SLC3A2: variants seen among roughly 807,000 people sequenced by gnomAD.
The protein encoded by SLC3A2 is solute carrier family 3 member 2, also known as amino acid transporter heavy chain SLC3A2.
Under a neutral mutation model 48.5 loss-of-function variants are expected in SLC3A2, and 32 were observed. That is an observed-to-expected ratio of 0.66 (90% CI 0.50 to 0.89). The LOEUF (loss-of-function observed/expected upper bound fraction) is 0.89. Among genes scored for constraint, SLC3A2 ranks in the 40% least tolerant of loss-of-function variants. SLC3A2 has a pLI of 0.00. For missense variants in SLC3A2, 587 were observed against 680.7 expected, an observed-to-expected ratio of 0.86 and a Z score of 1.53; for synonymous variants, 277 against 288.8, an observed-to-expected ratio of 0.96 and a Z score of 0.41.
Position 62,882,999 on chromosome 11 carries a change from G to A in SLC3A2, c.690G>A (p.Lys230=). The change falls in exon 3 of 9, where the codon AAG becomes AAA. Residue 230 remains lysine, a splice_region_variant and synonymous_variant. Transcript: ENST00000338663. ...TTGACACTGTGGCCACCAAGGTGAA[G>A]GTGAGTGTTGGAGCTGATGGCTGGT... is the stretch of plus-strand genomic sequence containing the variant. ...TQVDTVATKV[K]DALEFWLQAG... is the part of the protein sequence containing the mutation. The A allele has an allele frequency of 6.2e-7, 1 of 1,613,988 alleles. No homozygotes were observed. The highest frequency in any genetic ancestry group is 1.1e-5 in the South Asian group (1 of 91,088).
intron 1 of SLC3A2, among the ~76,000 whole-genome samples, chr11:62,863,435 G>A (rs1200604634): frequency 6.6e-6 from 1 of 152,064 alleles, no homozygotes; most frequent in Non-Finnish European, 1.5e-5. Flanking sequence ...GTGCCTAGGC[G>A]GGTCTCCAAC....
At chr11:62,880,736 T>G (rs2135006315), upstream of SLC3A2, 6 of 409,784 alleles carry the variant, frequency 1.5e-5, no homozygotes, top group East Asian at 4.4e-5. Context: ...AGGTTGGAGA[T>G]GAGAAATTGG....
rs752786081 is a variant in SLC3A2 at position 62,881,101 on chromosome 11, G to C, written c.78G>C (p.Ala26=). The change falls in exon 1 of 9, where the codon GCG becomes GCC. Residue 26 remains alanine, a synonymous_variant. Coordinates refer to ENST00000338663, the MANE Select transcript of SLC3A2 (RefSeq NM_001013251.3). This position sits in a 1 kb window ranked among gnomAD's most constrained non-coding sequence, Gnocchi z 4.0. ...ELEPEKQPMN[A]ASGAAMSLAG... is the part of the protein sequence containing the mutation. ...AGCCCGAGAAGCAGCCGATGAACGC[G>C]GCGTCTGGGGCGGCCATGTCCCTGG... 8.7e-6 allele frequency: 14 copies of C among 1,608,402 alleles called. No homozygotes were observed. The highest frequency in any genetic ancestry group is 1.6e-4 in the Middle Eastern group (1 of 6,068).
At chr11:62,864,004 C>A (rs1218333812) in intron 1 of SLC3A2, among the ~76,000 whole-genome samples, 5 of 152,142 alleles carry the variant, frequency 3.3e-5, no homozygotes, top group South Asian at 4.1e-4. Flanking sequence ...GATGCAGAGC[C>A]CTTTCCTGCT....
At chr11:62,865,677 TC>T (rs1158277039) in intron 1 of SLC3A2, among the ~76,000 whole-genome samples, 1 of 151,972 alleles carries the variant, frequency 6.6e-6, no homozygotes, top group Non-Finnish European at 1.5e-5. Context: ...CTTGCCTTTT[TC>T]TGTTTGTAGA....
chr11:62,861,891 A>G (rs1001110606), intron 1 of SLC3A2, among the ~76,000 whole-genome samples: 1 of 149,438 alleles, frequency 6.7e-6, no homozygotes, highest in East Asian at 2.0e-4. Context: ...AGCCTGGCCA[A>G]CAAGAGCAAA....
At chr11:62,880,087 A>C (rs555122128), upstream of SLC3A2, among the ~76,000 whole-genome samples, 1 of 152,148 alleles carries the variant, frequency 6.6e-6, no homozygotes, top group African/African-American at 2.4e-5. Flanking sequence ...TGTTCATTAC[A>C]GCCCTATCAG....
Position 62,888,796 on chromosome 11 carries a change from TTA to T in SLC3A2, c.*105_*106del, listed in dbSNP as rs796348269. The T allele has an allele frequency of 4.5e-5, 52 of 1,164,358 alleles. No homozygotes were observed. In the African/African-American group the frequency reaches 6.2e-4, roughly 14 times the overall value. The allele number at this position is 1,164,358 out of a possible 1,614,324, so 72.1% of individuals were successfully genotyped here. ...AAACAAACAAACAAACTGTTGCAGA[TTA>T]TGAGTGAACCCCCAAATAGGGTGTT... On this transcript the variant is annotated 3_prime_UTR_variant, in exon 9 of 9. Coordinates refer to ENST00000338663, the MANE Select transcript of SLC3A2 (RefSeq NM_001013251.3).
intron 1 of SLC3A2, among the ~76,000 whole-genome samples, chr11:62,874,577 A>T (rs574246964): frequency 1.3e-5 from 2 of 152,176 alleles, no homozygotes; most frequent in African/African-American, 4.8e-5. Context: ...GACAACCCTG[A>T]CAGGTCTCTT....
rs1179330285 is a variant in SLC3A2, at chr11:62,881,146, T to C, written c.123T>C (p.Gly41=). Reference sequence around the variant, plus strand: ...CCCTGGCGGGAGCCGAGAAGAATGGTCTGGTGAAGATCAAGGTGGCGGAAG... The same window carrying C: ...CCCTGGCGGGAGCCGAGAAGAATGGCCTGGTGAAGATCAAGGTGGCGGAAG... The part of the protein sequence containing the change: ...AMSLAGAEKN[G]LVKIKVAEDE... The change falls in exon 1 of 9, where the codon GGT becomes GGC. Residue 41 remains glycine, a synonymous_variant. Coordinates refer to ENST00000338663, the MANE Select transcript of SLC3A2 (RefSeq NM_001013251.3). This position sits in a 1 kb window ranked among gnomAD's most constrained non-coding sequence, Gnocchi z 4.0. 1.9e-6 allele frequency: 3 copies of C among 1,602,548 alleles called. No individual in the cohort carries two copies. The highest frequency in any genetic ancestry group is 2.7e-5 in the African/African-American group (2 of 74,782).
intron 3 of SLC3A2, 94 bp downstream of exon 3, chr11:62,883,093 T>C (rs534052265): frequency 2.7e-4 from 313 of 1,167,408 alleles, no homozygotes; most frequent in Non-Finnish European, 3.6e-4. Flanking sequence ...TGACTCCAGC[T>C]GAGGGTCCCT....
At chr11:62,882,572 C>G (rs1430212537) in intron 2 of SLC3A2, 1 of 303,148 alleles carries the variant, frequency 3.3e-6, no homozygotes, top group Non-Finnish European at 6.5e-6. Context: ...GCAGCCTCCT[C>G]CCCCAGGGTT....
chr11:62,884,253 A>G (rs960866436), intron 3 of SLC3A2: 9 of 613,936 alleles, frequency 1.5e-5, no homozygotes, highest in Non-Finnish European at 2.6e-5. Context: ...ATGCTGTAGC[A>G]CTAAGAAAAT....
chr11:62,864,197 G>A (rs191622905), intron 1 of SLC3A2, among the ~76,000 whole-genome samples: 1 of 152,240 alleles, frequency 6.6e-6, no homozygotes, highest in Non-Finnish European at 1.5e-5. Flanking sequence ...GAGAGGGAGG[G>A]GTTTTAGAGA....
chr11:62,856,185 G>A, exon 1 of SLC3A2: 8 of 1,074,040 alleles, frequency 7.4e-6, no homozygotes, highest in Non-Finnish European at 1.1e-5. Flanking sequence ...ATCCTGGACT[G>A]ACGGTCACGA....
rs1352631805 is a variant in SLC3A2 at position 62,881,119 on chromosome 11, G to A, written c.96G>A (p.Met32Ile). 6.2e-7 allele frequency: 1 copy of A among 1,607,846 alleles called. No individual in the cohort carries two copies. The highest frequency in any genetic ancestry group is 1.1e-5 in the South Asian group (1 of 89,742). ...QPMNAASGAA[M>I]SLAGAEKNGL... ...TGAACGCGGCGTCTGGGGCGGCCAT[G>A]TCCCTGGCGGGAGCCGAGAAGAATG... The change falls in exon 1 of 9, where the codon ATG (methionine) becomes ATA (isoleucine). Residue 32 changes from methionine (M) to isoleucine (I), a missense_variant. Met to Ile is a conservative substitution (Grantham distance 10). Around this residue, in one of 3 missense-constraint regions of SLC3A2, gnomAD observed 409 missense variants for 446.7 expected, o/e 0.92. Coordinates refer to ENST00000338663, the MANE Select transcript of SLC3A2 (RefSeq NM_001013251.3). The surrounding 1 kb of genome is among the most constrained non-coding windows in gnomAD (Gnocchi z 4.0).
intron 1 of SLC3A2, among the ~76,000 whole-genome samples, chr11:62,857,808 G>A (rs1275924390): frequency 6.6e-6 from 1 of 151,848 alleles, no homozygotes; most frequent in African/African-American, 2.4e-5. Context: ...TGGCAGTCGG[G>A]AAATGCTTTA....
At chr11:62,873,929 A>G in intron 1 of SLC3A2, among the ~76,000 whole-genome samples, 1 of 137,912 alleles carries the variant, frequency 7.3e-6, no homozygotes, top group African/African-American at 2.6e-5. Context: ...TCAGCTTCCC[A>G]AGTAGCTGGG....
intron 3 of SLC3A2, 101 bp from the exon 4 acceptor site, chr11:62,884,356 C>T (rs1413394651): frequency 1.2e-5 from 16 of 1,297,612 alleles, no homozygotes; most frequent in Non-Finnish European, 1.7e-5. Flanking sequence ...CTCCCCAGCT[C>T]CCGGGGAAGT....
Sources: allele counts gnomAD v4.1 joint callset (sites outside exome capture counted in the v4.1 genomes callset), GRCh38; gene constraint gnomAD v4.1.1; regional missense constraint gnomAD v4.1.1; non-coding constraint Gnocchi (gnomAD v3.1); transcripts MANE v1.5; gene names NCBI Gene and HGNC (gene_info 2026-07-23, HGNC 2026-07-21).